RGS7: variants seen among roughly 807,000 people sequenced by gnomAD.
The protein encoded by RGS7 is regulator of G-protein signaling 7.
Under a neutral mutation model 81.1 loss-of-function variants are expected in RGS7, and 27 were observed. The observed-to-expected ratio is 0.33, with a 90% confidence interval of 0.25 to 0.46. The LOEUF (loss-of-function observed/expected upper bound fraction) is 0.46, where lower values mean the gene tolerates loss of function less well. Among genes scored for constraint, RGS7 ranks in the 20% least tolerant of loss-of-function variants. The pLI is 1.00. For missense variants in RGS7, 396 were observed against 607.4 expected (o/e 0.65, Z 3.66); for synonymous variants, 208 against 207.7 (o/e 1.00, Z -0.01).
chr1:241,149,252 C>T (rs1572894251), intron 2 of RGS7, among the ~76,000 whole-genome samples: 1 of 152,136 alleles, frequency 6.6e-6, no homozygotes, highest in Non-Finnish European at 1.5e-5. Context: ...CTGCAACCTC[C>T]ACCTCTCAGG....
chr1:241,317,530 C>T (rs1203994306), intron 2 of RGS7, among the ~76,000 whole-genome samples: 1 of 152,208 alleles, frequency 6.6e-6, no homozygotes, highest in Admixed American at 6.5e-5. Flanking sequence ...CTACTGTCAA[C>T]TCTTCAGCTG....
chr1:241,221,072 A>AGAGAAAGG (rs1558204190), intron 2 of RGS7, among the ~76,000 whole-genome samples: 1 of 137,508 alleles, frequency 7.3e-6, no homozygotes, highest in African/African-American at 2.8e-5. Context: ...AGAGAGAGAG[A>AGAGAAAGG]AAGGAAGGAA....
chr1:241,203,903 T>C (rs769392253), intron 2 of RGS7, among the ~76,000 whole-genome samples: 2 of 152,210 alleles, frequency 1.3e-5, no homozygotes, highest in Non-Finnish European at 2.9e-5. Flanking sequence ...GGGTATAACA[T>C]GCACAGTCCA....
rs1246280005 is a variant in RGS7, at chr1:241,116,095, G to A, written c.79-17333C>T. On this transcript the variant is annotated intron_variant, in intron 2 of 18. Coordinates refer to ENST00000440928, the MANE Select transcript of RGS7 (RefSeq NM_001364886.1). The stretch of plus-strand genomic sequence containing the variant: ...AGTCATACTTCCTGTTAAGCCTGTG[G>A]AACTGTGAGTCAACTAAATCTCTTT... Among the ~76,000 whole-genome samples, 3 of 152,058 alleles carry A rather than the reference G, an allele frequency of 2.0e-5. No homozygotes were observed. The East Asian group carries it at 5.8e-4, about 29-fold the overall frequency.
intron 2 of RGS7, among the ~76,000 whole-genome samples, chr1:241,292,811 TA>T (rs1298984504): frequency 6.6e-6 from 1 of 152,172 alleles, no homozygotes; most frequent in Non-Finnish European, 1.5e-5. Flanking sequence ...CCATGAGTCT[TA>T]AAAAGATAGC....
chr1:241,215,569 C>T (rs899001707), intron 2 of RGS7, among the ~76,000 whole-genome samples: 2 of 152,160 alleles, frequency 1.3e-5, no homozygotes, highest in Non-Finnish European at 2.9e-5. Context: ...TATTTCCTCC[C>T]CCAGTTTCCA....
intron 9 of RGS7, among the ~76,000 whole-genome samples, chr1:240,847,544 G>A (rs553213237): frequency 6.6e-6 from 1 of 152,324 alleles, no homozygotes; most frequent in South Asian, 2.1e-4. Flanking sequence ...TAAGCACAGT[G>A]GCAGGAGTGG....
chr1:240,818,481 G>C (rs1691211778), intron 10 of RGS7, among the ~76,000 whole-genome samples: 1 of 152,128 alleles, frequency 6.6e-6, no homozygotes, highest in Non-Finnish European at 1.5e-5. Context: ...TGAAGGAATG[G>C]AAATGGCCCA....
chr1:241,236,788 A>G (rs192911516), intron 2 of RGS7, among the ~76,000 whole-genome samples: 1 of 152,260 alleles, frequency 6.6e-6, no homozygotes, highest in African/African-American at 2.4e-5. Flanking sequence ...TTGAGCAGAA[A>G]GAAAACTTTC....
intron 2 of RGS7, among the ~76,000 whole-genome samples, chr1:241,126,184 C>T (rs535211358): frequency 3.3e-5 from 5 of 151,974 alleles, no homozygotes; most frequent in Admixed American, 6.6e-5. Flanking sequence ...GAGTTTCGCT[C>T]TTGTTGCCAG....
At chr1:241,125,427 G>GAC (rs59757330) in intron 2 of RGS7, among the ~76,000 whole-genome samples, 6,451 of 149,296 alleles carry the variant, frequency 0.043, 194 homozygotes, top group Admixed American at 0.067. Context: ...CAAAGACATG[G>GAC]ACACACACAC....
intron 2 of RGS7, among the ~76,000 whole-genome samples, chr1:241,116,851 G>A (rs1395766082): frequency 6.6e-6 from 1 of 152,016 alleles, no homozygotes; most frequent in Non-Finnish European, 1.5e-5. Flanking sequence ...GTTAACTATA[G>A]TCATCTGACA....
intron 2 of RGS7, among the ~76,000 whole-genome samples, chr1:241,324,512 C>G (rs987561454): frequency 2.4e-4 from 37 of 152,152 alleles, no homozygotes; most frequent in African/African-American, 8.4e-4. Context: ...AACTTTCTGT[C>G]TTCTAATACG....
intron 2 of RGS7, among the ~76,000 whole-genome samples, chr1:241,233,316 C>T (rs1221440735): frequency 1.3e-5 from 2 of 152,172 alleles, no homozygotes; most frequent in Non-Finnish European, 2.9e-5. Context: ...ATCTACGGAA[C>T]ACCAGGTGTT....
chr1:241,334,121 A>G (rs1315160587), intron 2 of RGS7, among the ~76,000 whole-genome samples: 1 of 152,050 alleles, frequency 6.6e-6, no homozygotes, highest in Non-Finnish European at 1.5e-5. Flanking sequence ...TCGCTTCCCC[A>G]AAAAGGTAAA....
intron 4 of RGS7, among the ~76,000 whole-genome samples, chr1:240,940,355 A>T (rs1272728248): frequency 6.6e-6 from 1 of 152,202 alleles, no homozygotes; most frequent in African/African-American, 2.4e-5. Context: ...GATTTTCTCT[A>T]TTAATCTGCC....
intron 2 of RGS7, among the ~76,000 whole-genome samples, chr1:241,153,958 C>A (rs1057412702): frequency 6.6e-6 from 1 of 152,168 alleles, no homozygotes; most frequent in African/African-American, 2.4e-5. Context: ...TTTTTGAGTT[C>A]TGTAAAGTGC....
intron 2 of RGS7, among the ~76,000 whole-genome samples, chr1:241,111,341 C>A (rs1316629943): frequency 6.6e-6 from 1 of 152,164 alleles, no homozygotes; most frequent in Non-Finnish European, 1.5e-5. Context: ...CCTTGTTTAT[C>A]CTATTCATGG....
Position 240,851,812 on chromosome 1 carries a change from G to T in RGS7, c.609+16775C>A, listed in dbSNP as rs569773612. ...CGCAGATGTGGTGGAAATAGCGAGA[G>T]AACTAGAATTAGAAGTGGAGCCTAC... On this transcript the variant is annotated intron_variant, in intron 9 of 18. Transcript: ENST00000440928. Among the ~76,000 whole-genome samples the T allele has an allele frequency of 9.8e-5, 15 of 152,288 alleles. 2 individuals carry two copies. The South Asian group carries it at 3.1e-3, about 32-fold the overall frequency.
Sources: gnomAD v4.1 joint callset for allele counts (sites outside exome capture counted in the v4.1 genomes callset) on GRCh38, gnomAD v4.1.1 for gene constraint, MANE v1.5 for transcripts, NCBI Gene and HGNC (gene_info 2026-07-23, HGNC 2026-07-21) for gene names.